CFDP1: variants seen among roughly 807,000 people sequenced by gnomAD.
CFDP1 encodes heterochromatin-stabilizing protein CFDP1.
In CFDP1, 31 loss-of-function variants were observed where a neutral mutation model predicts 40.1. The ratio of observed to expected loss-of-function variants is 0.77; its 90% CI spans 0.58 to 1.04. CFDP1 has a LOEUF of 1.04. Among genes scored for constraint, CFDP1 ranks in the 50% least tolerant of loss-of-function variants. CFDP1 has a pLI of 0.00. For missense variants in CFDP1, 423 were observed against 343.4 expected (o/e 1.23, Z -1.83); for synonymous variants, 167 against 120.0 (o/e 1.39, Z -2.56).
intron 4 of CFDP1, among the ~76,000 whole-genome samples, chr16:75,400,595 C>A (rs533510787): frequency 6.6e-6 from 1 of 152,110 alleles, no homozygotes; most frequent in African/African-American, 2.4e-5. Context: ...TCCAGCAGAA[C>A]CCATTACTCT....
chr16:75,339,806 A>G (rs1215511700), intron 5 of CFDP1, among the ~76,000 whole-genome samples: 1 of 152,206 alleles, frequency 6.6e-6, no homozygotes, highest in Non-Finnish European at 1.5e-5. Flanking sequence ...TCTTAACAGG[A>G]GCCCTTCAGC....
intron 5 of CFDP1, chr16:75,394,630 A>C (rs1306643718): frequency 6.6e-6 from 1 of 151,228 alleles, no homozygotes; most frequent in African/African-American, 2.4e-5. Context: ...CTGGCAACAA[A>C]TAAGAAAGCT....
intron 1 of CFDP1, among the ~76,000 whole-genome samples, chr16:75,428,254 T>C (rs368615464): frequency 6.6e-6 from 1 of 152,026 alleles, no homozygotes; most frequent in Non-Finnish European, 1.5e-5. Context: ...TTTTATTGTA[T>C]GTAAGTTAAA....
At chr16:75,410,114 A>G (rs957154730) in intron 4 of CFDP1, among the ~76,000 whole-genome samples, 2 of 150,232 alleles carry the variant, frequency 1.3e-5, no homozygotes, top group African/African-American at 4.9e-5. Flanking sequence ...GATAGTGTCA[A>G]TTCTTTTCCC....
intron 5 of CFDP1, among the ~76,000 whole-genome samples, chr16:75,380,603 G>A (rs548866123): frequency 6.6e-6 from 1 of 152,078 alleles, no homozygotes; most frequent in African/African-American, 2.4e-5. Context: ...AGAAGAAAGT[G>A]TATCTAAGCT....
intron 1 of CFDP1, among the ~76,000 whole-genome samples, chr16:75,430,437 C>A (rs938934077): frequency 2.0e-5 from 3 of 150,844 alleles, no homozygotes; most frequent in Admixed American, 2.0e-4. Flanking sequence ...TCCCAAAGTG[C>A]TGGGATTAAA....
intron 5 of CFDP1, among the ~76,000 whole-genome samples, chr16:75,342,724 C>T (rs1334834007): frequency 2.0e-5 from 3 of 152,228 alleles, no homozygotes; most frequent in Non-Finnish European, 4.4e-5. Context: ...AATCAGCAAT[C>T]TTCCTCTTGC....
chr16:75,375,337 A>T (rs11645691), intron 5 of CFDP1, among the ~76,000 whole-genome samples: 114,096 of 152,066 alleles, frequency 0.75, 42,882 homozygotes, highest in Middle Eastern at 0.79. Context: ...TCAGAATATA[A>T]GAAGAACTCC....
At chr16:75,402,576 T>C (rs987270934) in intron 4 of CFDP1, among the ~76,000 whole-genome samples, 6 of 152,360 alleles carry the variant, frequency 3.9e-5, no homozygotes, top group African/African-American at 7.2e-5. Context: ...GTGCTAACAC[T>C]ACCTTACACT....
intron 5 of CFDP1, chr16:75,391,482 G>C (rs1017953358): frequency 6.6e-6 from 1 of 152,156 alleles, no homozygotes; most frequent in Non-Finnish European, 1.5e-5. Flanking sequence ...AATTCAGCAG[G>C]TCATAACAGT....
intron 5 of CFDP1, among the ~76,000 whole-genome samples, chr16:75,340,273 A>C (rs1327374273): frequency 6.6e-6 from 1 of 152,194 alleles, no homozygotes; most frequent in Non-Finnish European, 1.5e-5. Flanking sequence ...CATCACCAAC[A>C]ATCAATCACT....
intron 5 of CFDP1, among the ~76,000 whole-genome samples, chr16:75,322,168 C>T (rs540679150): frequency 6.6e-6 from 1 of 152,336 alleles, no homozygotes; most frequent in East Asian, 1.9e-4. Flanking sequence ...GTCATGCATA[C>T]ATTTTGTAAG....
At chr16:75,416,011 C>T (rs896643265) in intron 1 of CFDP1, among the ~76,000 whole-genome samples, 8 of 152,118 alleles carry the variant, frequency 5.3e-5, no homozygotes, top group Non-Finnish European at 1.0e-4. Flanking sequence ...TGCCACCACA[C>T]CCAGCTGATT....
intron 1 of CFDP1, among the ~76,000 whole-genome samples, chr16:75,416,500 C>T (rs1427231990): frequency 2.0e-5 from 3 of 151,364 alleles, no homozygotes; most frequent in Middle Eastern, 3.4e-3. Flanking sequence ...GTGGCTCACG[C>T]CTATAATCTC....
intron 5 of CFDP1, among the ~76,000 whole-genome samples, chr16:75,376,573 G>A (rs1009475429): frequency 3.3e-5 from 5 of 152,162 alleles, no homozygotes; most frequent in Admixed American, 1.3e-4. Context: ...TAGTTGCCTG[G>A]GGCAAAGAGC....
chr16:75,327,235 C>G (rs781536344), intron 5 of CFDP1, among the ~76,000 whole-genome samples: 1 of 152,154 alleles, frequency 6.6e-6, no homozygotes, highest in African/African-American at 2.4e-5. Context: ...CCACTGCACT[C>G]CAGCCTGGAC....
chr16:75,309,674 G>A (rs1024691310), intron 5 of CFDP1, among the ~76,000 whole-genome samples: 1 of 151,982 alleles, frequency 6.6e-6, no homozygotes, highest in Non-Finnish European at 1.5e-5. Context: ...CAAAAAATTA[G>A]CCGGGCGTGG....
intron 5 of CFDP1, among the ~76,000 whole-genome samples, chr16:75,323,005 CTACAA>C (rs1365405751): frequency 4.6e-5 from 7 of 152,108 alleles, no homozygotes; most frequent in Middle Eastern, 3.4e-3. Context: ...TACACTTAGG[CTACAA>C]TACATTTATT....
At chr16:75,366,240 C>T (rs1043592915) in intron 5 of CFDP1, among the ~76,000 whole-genome samples, 1 of 152,144 alleles carries the variant, frequency 6.6e-6, no homozygotes, top group Non-Finnish European at 1.5e-5. Flanking sequence ...CACAAGAAAA[C>T]ATTTGTTTTC....
Sources: gnomAD v4.1 joint callset for allele counts (sites outside exome capture counted in the v4.1 genomes callset) on GRCh38, gnomAD v4.1.1 for gene constraint, MANE v1.5 for transcripts, NCBI Gene and HGNC (gene_info 2026-07-23, HGNC 2026-07-21) for gene names.